Variants in RAB38 observed in about 807,000 individuals in gnomAD.
RAB38 encodes the protein RAB38, member RAS oncogene family.
Under a neutral mutation model 18.4 loss-of-function variants are expected in RAB38, and 15 were observed. The observed-to-expected ratio is 0.82, with a 90% CI of 0.55 to 1.26. RAB38 has a LOEUF of 1.26. Among genes scored for constraint, RAB38 ranks in the 50% most tolerant of loss-of-function variants. The pLI is 0.00. For synonymous variants in RAB38, 101 were observed against 104.4 expected, an observed-to-expected ratio of 0.97 and a Z score of 0.20; for missense variants, 294 against 267.4, an observed-to-expected ratio of 1.10 and a Z score of -0.69.
chr11:88,132,275 G>A lies in RAB38; in HGVS notation c.483+17400C>T, dbSNP rs1015539546. Among the ~76,000 whole-genome samples the A allele has an allele frequency of 3.3e-5, 5 of 152,186 alleles. No individual in the cohort carries two copies. The East Asian group carries it at 5.8e-4, about 18-fold the overall frequency. The stretch of plus-strand genomic sequence containing the variant: ...TTATAACCATAAGGGAGAAAGTCAC[G>A]TGCTGAGGCTGGTGATCCAGGAAGT... On this transcript the variant is annotated intron_variant, in intron 2 of 2. Transcript: ENST00000243662.
At chr11:87,922,890 G>A in the RAB38 span, among the ~76,000 whole-genome samples, 1 of 150,656 alleles carries the variant, frequency 6.6e-6, no homozygotes, top group African/African-American at 2.4e-5. Flanking sequence ...GATGGGAGAT[G>A]GAAGGGGGAA....
chr11:88,015,738 TTCCTAAGC>T, the RAB38 span, among the ~76,000 whole-genome samples: 1 of 152,168 alleles, frequency 6.6e-6, no homozygotes, highest in Non-Finnish European at 1.5e-5. Context: ...CTGTTGCGTG[TTCCTAAGC>T]TCCTGGCTCG....
At chr11:87,893,372 A>ATATATATATATATATGTG in the RAB38 span, among the ~76,000 whole-genome samples, 4 of 28,444 alleles carry the variant, frequency 1.4e-4, no homozygotes, top group Admixed American at 5.1e-4. Flanking sequence ...TATATTTTAC[A>ATATATATATATATATGTG]TATATATATA....
chr11:87,856,871 T>C, the RAB38 span, among the ~76,000 whole-genome samples: 2 of 152,148 alleles, frequency 1.3e-5, no homozygotes, highest in African/African-American at 4.8e-5. Flanking sequence ...TTTCTTTTTT[T>C]TAAAAATTAT....
the RAB38 span, among the ~76,000 whole-genome samples, chr11:87,971,064 C>G: frequency 2.6e-5 from 4 of 152,060 alleles, 1 homozygote; most frequent in Admixed American, 2.0e-4. Context: ...GGGCCACATT[C>G]CAATGGGGCA....
intron 2 of RAB38, among the ~76,000 whole-genome samples, chr11:88,136,637 A>G (rs899935559): frequency 2.0e-5 from 3 of 152,240 alleles, no homozygotes; most frequent in Non-Finnish European, 2.9e-5. Flanking sequence ...AGCATTCAAA[A>G]GATTTGCACA....
At chr11:87,912,753 A>G in the RAB38 span, among the ~76,000 whole-genome samples, 1 of 45,396 alleles carries the variant, frequency 2.2e-5, no homozygotes, top group Admixed American at 2.2e-4. Context: ...TTTGGGTTTA[A>G]TTTTCTTTCT....
At chr11:88,065,784 T>C in the RAB38 span, among the ~76,000 whole-genome samples, 1 of 152,350 alleles carries the variant, frequency 6.6e-6, no homozygotes, top group Admixed American at 6.5e-5. Flanking sequence ...GGTGAACTCA[T>C]AGTTTATTGC....
At chr11:88,079,178 G>A in the RAB38 span, among the ~76,000 whole-genome samples, 1 of 151,648 alleles carries the variant, frequency 6.6e-6, no homozygotes, top group Non-Finnish European at 1.5e-5. Flanking sequence ...CAATAAAATA[G>A]ATAAATCTCT....
At chr11:87,808,636 C>T in the RAB38 span, among the ~76,000 whole-genome samples, 3 of 151,978 alleles carry the variant, frequency 2.0e-5, no homozygotes, top group Non-Finnish European at 4.4e-5. Context: ...AGGTAGAACA[C>T]GGTGTCTAAG....
the RAB38 span, among the ~76,000 whole-genome samples, chr11:87,956,024 A>G: frequency 6.6e-6 from 1 of 152,148 alleles, no homozygotes; most frequent in African/African-American, 2.4e-5. Flanking sequence ...TAAGTGCTAA[A>G]CCAAAAATGT....
At chr11:87,824,978 AAG>A in the RAB38 span, among the ~76,000 whole-genome samples, 6,178 of 150,236 alleles carry the variant, frequency 0.041, 293 homozygotes, top group African/African-American at 0.12. Context: ...ACACTTTTGA[AAG>A]AGAGAGAGAG....
chr11:87,933,759 C>T, the RAB38 span, among the ~76,000 whole-genome samples: 3 of 151,520 alleles, frequency 2.0e-5, no homozygotes. Flanking sequence ...AATGGCAAGA[C>T]GGGAAGTCCT....
At chr11:87,953,828 G>A in the RAB38 span, among the ~76,000 whole-genome samples, 1 of 150,916 alleles carries the variant, frequency 6.6e-6, no homozygotes, top group Non-Finnish European at 1.5e-5. Context: ...GCCTTTTTTA[G>A]GCCCAAGATG....
At chr11:88,050,863 G>A in the RAB38 span, among the ~76,000 whole-genome samples, 1 of 152,142 alleles carries the variant, frequency 6.6e-6, no homozygotes, top group Non-Finnish European at 1.5e-5. Flanking sequence ...AAGAAGACCA[G>A]AATTCAAAGT....
chr11:87,840,092 C>A, the RAB38 span, among the ~76,000 whole-genome samples: 2 of 152,042 alleles, frequency 1.3e-5, no homozygotes, highest in Non-Finnish European at 2.9e-5. Context: ...AAAGAAGGCT[C>A]TATTTGTGGC....
the RAB38 span, among the ~76,000 whole-genome samples, chr11:87,871,246 C>T: frequency 1.3e-5 from 2 of 151,576 alleles, no homozygotes; most frequent in Non-Finnish European, 3.0e-5. Context: ...GATTCCAGAG[C>T]AACAGACTGT....
chr11:88,093,066 A>G, the RAB38 span, among the ~76,000 whole-genome samples: 1 of 151,916 alleles, frequency 6.6e-6, no homozygotes, highest in Non-Finnish European at 1.5e-5. Context: ...AAGCACAACT[A>G]ATTAACCATC....
chr11:87,857,479 A>T, the RAB38 span, among the ~76,000 whole-genome samples: 276 of 152,318 alleles, frequency 1.8e-3, no homozygotes, highest in Middle Eastern at 3.4e-3. Flanking sequence ...CAGTCCCACC[A>T]ACAGTGTAAA....
Sources: allele counts gnomAD v4.1 joint callset (sites outside exome capture counted in the v4.1 genomes callset), GRCh38; gene constraint gnomAD v4.1.1; transcripts MANE v1.5; gene names NCBI Gene and HGNC (gene_info 2026-07-23, HGNC 2026-07-21).